Variants in RGR observed in about 807,000 individuals in gnomAD.
The protein encoded by RGR is retinal G protein coupled receptor, also known as RPE-retinal G protein-coupled receptor.
A neutral mutation model predicts 28.6 loss-of-function variants in RGR; 30 were observed. The ratio of observed to expected loss-of-function variants is 1.05; its 90% CI spans 0.78 to 1.42. RGR has a LOEUF of 1.42. Among genes scored for constraint, RGR ranks in the 40% most tolerant of loss-of-function variants. The pLI is 0.00. For synonymous variants in RGR, 180 were observed against 156.4 expected, an observed-to-expected ratio of 1.15 and a Z score of -1.13; for missense variants, 404 against 375.6, an observed-to-expected ratio of 1.08 and a Z score of -0.62.
chr10:84,248,853 T>C, intron 2 of RGR, 69 bp from the exon 3 acceptor site: 2 of 1,613,542 alleles, frequency 1.2e-6, no homozygotes, highest in Non-Finnish European at 1.7e-6. Context: ...CACTCCAAGC[T>C]GTACTTGGCA....
chr10:84,247,992 G>T (rs1285099914), intron 2 of RGR: 3 of 651,976 alleles, frequency 4.6e-6, no homozygotes, highest in Non-Finnish European at 7.7e-6. Flanking sequence ...AATGGTGTGG[G>T]TTCTGTAACC....
Position 84,254,310 on chromosome 10 carries a change from C to A in RGR, c.513-16C>A. The stretch of plus-strand genomic sequence containing the variant: ...CCTGAGAGCTAACCCCAATCCTCCA[C>A]CCGCTCTCCCTGTAGAAACTTCACC... On this transcript the variant is annotated splice_polypyrimidine_tract_variant and intron_variant, in intron 4 of 6. Transcript: ENST00000652092. The A allele has an allele frequency of 1.9e-6, 3 of 1,610,244 alleles. No individual in the cohort carries two copies. The highest frequency in any genetic ancestry group is 1.1e-5 in the South Asian group (1 of 91,002).
At chr10:84,245,624 T>C (rs1036969120) in intron 1 of RGR, among the ~76,000 whole-genome samples, 1 of 152,228 alleles carries the variant, frequency 6.6e-6, no homozygotes, top group African/African-American at 2.4e-5. Flanking sequence ...CTGCCCTCAA[T>C]GCCTTGACAT....
At chr10:84,256,843 C>G (rs1402712912) in intron 5 of RGR, among the ~76,000 whole-genome samples, 1 of 152,106 alleles carries the variant, frequency 6.6e-6, no homozygotes, top group African/African-American at 2.4e-5. Flanking sequence ...GTGGGCATCG[C>G]CAAGGTCACA....
chr10:84,247,608 C>T lies in RGR; in HGVS notation c.97C>T (p.Leu33Phe). ...CCTTTCAGCTCTCTCCGGTCTCAGC[C>T]TCAATACCCTGACCATCTTCTCTTT... The part of the protein sequence containing the change: ...LLVEALSGLS[L>F]NTLTIFSFCK... The change falls in exon 2 of 7, where the codon CTC becomes TTC. Residue 33 changes from leucine to phenylalanine, a missense_variant. Leu to Phe is a conservative substitution (Grantham distance 22). Coordinates refer to ENST00000652092, the MANE Select transcript of RGR (RefSeq NM_001012720.2). 2 of 1,614,174 alleles carry T rather than the reference C, an allele frequency of 1.2e-6. No individual in the cohort carries two copies. Among genetic ancestry groups the T allele is most frequent in the Non-Finnish European group, 1.7e-6 (2 of 1,180,032 alleles).
chr10:84,259,077 T>C lies in RGR; in HGVS notation c.*438T>C, dbSNP rs1842924014. Reference sequence around the variant, plus strand: ...CCAATGTCTATTATTCCACACTCCATGTCCACGTGTACACATTATTTAGCT... The same window carrying C: ...CCAATGTCTATTATTCCACACTCCACGTCCACGTGTACACATTATTTAGCT... On this transcript the variant is annotated 3_prime_UTR_variant, in exon 7 of 7. Transcript: ENST00000652092. The C allele has an allele frequency of 4.1e-6, 1 of 243,056 alleles. No individual in the cohort carries two copies. Among genetic ancestry groups the C allele is most frequent in the Non-Finnish European group, 8.2e-6 (1 of 121,830 alleles). The allele number at this position is 243,056 out of a possible 1,614,324, so 15.1% of individuals were successfully genotyped here.
rs758857701 is a variant in RGR at position 84,259,078 on chromosome 10, G to A, written c.*439G>A. On this transcript the variant is annotated 3_prime_UTR_variant, in exon 7 of 7. Transcript: ENST00000652092. ...CAATGTCTATTATTCCACACTCCAT[G>A]TCCACGTGTACACATTATTTAGCTC... 20 of 242,134 alleles carry A rather than the reference G, an allele frequency of 8.3e-5. No individual in the cohort carries two copies. Among genetic ancestry groups the A allele is most frequent in the Non-Finnish European group, 1.2e-4 (15 of 121,456 alleles). 15.0% of individuals were successfully genotyped at this position (242,134 alleles called of 1,614,324 possible).
At position 84,245,065 on chromosome 10, in the gene RGR, G is replaced by A. The variant is rs770632158; in HGVS notation, c.-26G>A. The A allele has an allele frequency of 1.7e-5, 27 of 1,612,112 alleles. No individual in the cohort carries two copies. In the East Asian group the frequency reaches 3.6e-4, roughly 21 times the overall value. On this transcript the variant is annotated 5_prime_UTR_variant, in exon 1 of 7. Coordinates refer to ENST00000652092, the MANE Select transcript of RGR (RefSeq NM_001012720.2). ...GCTGTGGGAAGCCAGAGACAGCTGG[G>A]CCACTGGCAGTGAGGGAGAGTGAGG...
chr10:84,247,785 C>T, intron 2 of RGR, 38 bp downstream of exon 2: 1 of 1,613,346 alleles, frequency 6.2e-7, no homozygotes, highest in Non-Finnish European at 8.5e-7. Context: ...CTCTGGGGTC[C>T]TGCCTGGGGC....
intron 3 of RGR, among the ~76,000 whole-genome samples, chr10:84,249,521 T>C (rs920998973): frequency 7.9e-5 from 12 of 152,116 alleles, no homozygotes; most frequent in African/African-American, 2.9e-4. Context: ...CCATATTGGC[T>C]AGGCTGGTCT....
chr10:84,249,497 G>C (rs1317767856), intron 3 of RGR, among the ~76,000 whole-genome samples: 1 of 152,112 alleles, frequency 6.6e-6, no homozygotes, highest in Non-Finnish European at 1.5e-5. Context: ...ATTTTTAGTA[G>C]AGATGGGGTT....
rs61730895 is a variant in RGR at position 84,257,984 on chromosome 10, C to T, written c.722C>T (p.Ser241Phe). The stretch of plus-strand genomic sequence containing the variant: ...TACGCAGTCATCGCAGACGTGACTT[C>T]CATCTCCCCCAAACTGCAGATGGTA... ...YLYAVIADVT[S>F]ISPKLQMVPA... Residue 241 changes from serine to phenylalanine, a missense_variant, in exon 6 of 7, where the codon TCC becomes TTC. Coordinates refer to ENST00000652092, the MANE Select transcript of RGR (RefSeq NM_001012720.2). 0.044 allele frequency: 70,923 copies of T among 1,614,066 alleles called. 1,868 individuals carry two copies. Among genetic ancestry groups the T allele is most frequent in the East Asian group, 0.11 (5,024 of 44,874 alleles).
intron 1 of RGR, among the ~76,000 whole-genome samples, chr10:84,246,679 C>T (rs1237723145): frequency 3.9e-5 from 6 of 152,194 alleles, no homozygotes; most frequent in African/African-American, 9.6e-5. Flanking sequence ...AATTGTGCCT[C>T]GGTAAGCATA....
chr10:84,248,061 A>G lies in RGR; in HGVS notation c.236+314A>G. ...TTCTAGTTCTGGGCTTCTTCCATAA[A>G]TCGGATATTATTTCCTAACTCATAT... On this transcript the variant is annotated intron_variant, in intron 2 of 6. Coordinates refer to ENST00000652092, the MANE Select transcript of RGR (RefSeq NM_001012720.2). The G allele has an allele frequency of 5.4e-6, 3 of 554,044 alleles. No homozygotes were observed. The South Asian group carries it at 6.1e-5, about 11-fold the overall frequency. 34.3% of individuals were successfully genotyped at this position (554,044 alleles called of 1,614,324 possible).
intron 5 of RGR, among the ~76,000 whole-genome samples, chr10:84,254,804 A>G (rs1341005104): frequency 6.6e-6 from 1 of 152,180 alleles, no homozygotes; most frequent in East Asian, 1.9e-4. Flanking sequence ...AATCTTAAGT[A>G]CATGCATGAT....
At chr10:84,247,877 G>C in intron 2 of RGR, 130 bp downstream of exon 2, 1 of 1,258,394 alleles carries the variant, frequency 7.9e-7, no homozygotes, top group Non-Finnish European at 1.1e-6. Flanking sequence ...GGGTGGGCAG[G>C]CTAAAATGGG....
At chr10:84,255,307 A>G (rs1322841102) in intron 5 of RGR, 1 of 152,498 alleles carries the variant, frequency 6.6e-6, no homozygotes, top group East Asian at 1.9e-4. Flanking sequence ...GACTGCTCAG[A>G]TTCACCCAGA....
At chr10:84,256,054 CCTTTCT>C (rs1842881621) in intron 5 of RGR, among the ~76,000 whole-genome samples, 1 of 73,720 alleles carries the variant, frequency 1.4e-5, no homozygotes, top group African/African-American at 5.9e-5. Context: ...TTTTTTTTTT[CCTTTCT>C]TTTTTTTTTT....
At chr10:84,250,672 G>A (rs973645492) in intron 3 of RGR, 5 of 513,028 alleles carry the variant, frequency 9.7e-6, no homozygotes, top group Non-Finnish European at 1.4e-5. Context: ...CAGTGTGAAG[G>A]CAGGCAAAGG....
Sources: gnomAD v4.1 joint callset for allele counts (sites outside exome capture counted in the v4.1 genomes callset) on GRCh38, gnomAD v4.1.1 for gene constraint, MANE v1.5 for transcripts, NCBI Gene and HGNC (gene_info 2026-07-23, HGNC 2026-07-21) for gene names.